Variants in GSDME observed in about 807,000 individuals in gnomAD.
The protein encoded by GSDME is gasdermin E.
Under a neutral mutation model 47.5 loss-of-function variants are expected in GSDME, and 44 were observed. That is an observed-to-expected ratio of 0.93 (90% CI 0.73 to 1.19). The LOEUF (loss-of-function observed/expected upper bound fraction) is 1.19. Among genes scored for constraint, GSDME ranks in the 50% most tolerant of loss-of-function variants. GSDME has a pLI of 0.00. For synonymous variants in GSDME, 258 were observed against 252.8 expected (o/e 1.02, Z -0.20); for missense variants, 663 against 604.2 (o/e 1.10, Z -1.02).
intron 3 of GSDME, among the ~76,000 whole-genome samples, chr7:24,734,982 G>A (rs1790256492): frequency 6.6e-6 from 1 of 152,146 alleles, no homozygotes; most frequent in African/African-American, 2.4e-5. Context: ...ACTGGAAGAA[G>A]ACTATCTCAA....
rs1170215616 is a variant in GSDME at position 24,705,932 on chromosome 7, C to T, written c.1183+252G>A. On this transcript the variant is annotated intron_variant, in intron 8 of 9. Coordinates refer to ENST00000645220, the MANE Select transcript of GSDME (RefSeq NM_001127453.2). This position sits in a 1 kb window ranked among gnomAD's most constrained non-coding sequence, Gnocchi z 4.1. ...GCAAAGGGGCACCCACTGTGGCCTT[C>T]CCTGGGGGAGGAGGGAGAAGGGCCC... The T allele has an allele frequency of 1.2e-5, 7 of 560,818 alleles. No homozygotes were observed. The highest frequency in any genetic ancestry group is 2.2e-5 in the Non-Finnish European group (7 of 311,562). The allele number at this position is 560,818 out of a possible 1,614,324, so 34.7% of individuals were successfully genotyped here.
At chr7:24,777,207 G>A in the GSDME span, among the ~76,000 whole-genome samples, 2 of 152,108 alleles carry the variant, frequency 1.3e-5, no homozygotes, top group African/African-American at 4.8e-5. Flanking sequence ...TCTAAAATGG[G>A]AGAAGTATTT....
chr7:24,735,478 C>T lies in GSDME; in HGVS notation c.404+9084G>A, dbSNP rs561202578. 3.3e-5 allele frequency among the ~76,000 whole-genome samples: 5 copies of T among 152,156 alleles called. No individual in the cohort carries two copies. In the East Asian group the frequency reaches 7.7e-4, roughly 24 times the overall value. On this transcript the variant is annotated intron_variant, in intron 3 of 9. Transcript: ENST00000645220. The surrounding 1 kb of genome is among the most constrained non-coding windows in gnomAD (Gnocchi z 4.4). ...CAATTAAAAATAGTAACTACAGGGCCGGGCACAGTGGCTCACGCCTGTAAT... is the reference window on the plus strand; with the variant it reads ...CAATTAAAAATAGTAACTACAGGGCTGGGCACAGTGGCTCACGCCTGTAAT...
intron 3 of GSDME, among the ~76,000 whole-genome samples, chr7:24,743,064 G>A (rs936665427): frequency 8.5e-5 from 13 of 152,124 alleles, no homozygotes; most frequent in African/African-American, 2.9e-4. Flanking sequence ...GAAAGTGCCC[G>A]TAGGCAGTAA....
At chr7:24,706,866 C>G (rs1269500322) in intron 7 of GSDME, among the ~76,000 whole-genome samples, 1 of 151,874 alleles carries the variant, frequency 6.6e-6, no homozygotes, top group East Asian at 1.9e-4. Context: ...TCTGCACCAC[C>G]CACAGCCTTG....
At position 24,719,199 on chromosome 7, in the gene GSDME, G is replaced by T. The variant is rs754554; in HGVS notation, c.424C>A (p.Pro142Thr). ...CCTTCCAGCACCTGCTGGAGCACAG[G>T]GTTTCTCAGATTTATTGTTCTGAAA... ...SAERTINLRNPVLQQVLEGRN... is the reference protein window; with the variant it reads ...SAERTINLRNTVLQQVLEGRN... Residue 142 changes from proline (P) to threonine (T), a missense_variant, in exon 4 of 10, where the codon CCT becomes ACT. Coordinates refer to ENST00000645220, the MANE Select transcript of GSDME (RefSeq NM_001127453.2). 277,262 of 1,607,152 alleles carry T rather than the reference G, an allele frequency of 0.17. 27,765 individuals are homozygous for T. Among genetic ancestry groups the T allele is most frequent in the East Asian group, 0.44 (19,728 of 44,816 alleles).
rs181220865 is a variant in GSDME at position 24,742,620 on chromosome 7, C to T, written c.404+1942G>A. On this transcript the variant is annotated intron_variant, in intron 3 of 9. Coordinates refer to ENST00000645220, the MANE Select transcript of GSDME (RefSeq NM_001127453.2). This position sits in a 1 kb window ranked among gnomAD's most constrained non-coding sequence, Gnocchi z 4.4. Reference sequence around the variant, plus strand: ...AATCATGGTGTTTAAAAACCTATATCGAGAAATGTGATTATAGGACATTGC... The same window carrying T: ...AATCATGGTGTTTAAAAACCTATATTGAGAAATGTGATTATAGGACATTGC... Among the ~76,000 whole-genome samples, 51 of 152,226 alleles carry T rather than the reference C, an allele frequency of 3.4e-4. No homozygotes were observed. The highest frequency in any genetic ancestry group is 5.6e-4 in the Non-Finnish European group (38 of 68,012).
the GSDME span, among the ~76,000 whole-genome samples, chr7:24,766,338 G>A: frequency 6.6e-6 from 1 of 151,188 alleles, no homozygotes; most frequent in South Asian, 2.1e-4. This position sits in a 1 kb window ranked among gnomAD's most constrained non-coding sequence, Gnocchi z 4.2. Flanking sequence ...AAGTTCTGGG[G>A]TACATGTGCA....
At chr7:24,750,864 CAAGAG>C (rs1366911947) in intron 1 of GSDME, among the ~76,000 whole-genome samples, 1 of 152,098 alleles carries the variant, frequency 6.6e-6, no homozygotes, top group Non-Finnish European at 1.5e-5. Context: ...ATATTACACT[CAAGAG>C]AAGCAGTATA....
Position 24,745,962 on chromosome 7 carries a change from C to T in GSDME, c.212-1208G>A, listed in dbSNP as rs1790654378. ...CCTCACACTTGGCCTTTTCCATTGT[C>T]CTGACCCAAGGCTCTCCTGGGCTCC... On this transcript the variant is annotated intron_variant, in intron 2 of 9. Coordinates refer to ENST00000645220, the MANE Select transcript of GSDME (RefSeq NM_001127453.2). The surrounding 1 kb of genome is among the most constrained non-coding windows in gnomAD (Gnocchi z 4.4). 6.6e-6 allele frequency among the ~76,000 whole-genome samples: 1 copy of T among 152,170 alleles called. No homozygotes were observed. The highest frequency in any genetic ancestry group is 6.5e-5 in the Admixed American group (1 of 15,284).
intron 5 of GSDME, among the ~76,000 whole-genome samples, chr7:24,713,412 C>T (rs748148136): frequency 1.3e-5 from 2 of 152,216 alleles, no homozygotes; most frequent in African/African-American, 2.4e-5. Flanking sequence ...CTGCTTCTGT[C>T]ATCTTTTCAA....
chr7:24,699,382 G>A (rs750259473), intron 9 of GSDME, 123 bp from the exon 10 acceptor site: 19 of 730,926 alleles, frequency 2.6e-5, no homozygotes, highest in Middle Eastern at 3.5e-4. Context: ...TTGCTCTGTC[G>A]TCCAGGCTGG....
At chr7:24,711,520 T>G (rs1019624179) in intron 5 of GSDME, among the ~76,000 whole-genome samples, 4 of 152,078 alleles carry the variant, frequency 2.6e-5, no homozygotes, top group Admixed American at 2.6e-4. Flanking sequence ...CGATAAAAAG[T>G]TTTTTAAATA....
At position 24,739,404 on chromosome 7, in the gene GSDME, T is replaced by A. The variant is rs1297700460; in HGVS notation, c.404+5158A>T. Among the ~76,000 whole-genome samples, 1 of 152,082 alleles carries A rather than the reference T, an allele frequency of 6.6e-6. No homozygotes were observed. ...TCAACATCATTGATCATCAGGGAAA[T>A]GCAAATCAAAACTACAATGAGTTAT... is the stretch of plus-strand genomic sequence containing the variant. On this transcript the variant is annotated intron_variant, in intron 3 of 9. Transcript: ENST00000645220. This position sits in a 1 kb window ranked among gnomAD's most constrained non-coding sequence, Gnocchi z 5.1.
intron 4 of GSDME, among the ~76,000 whole-genome samples, chr7:24,718,158 C>T (rs1034696718): frequency 4.6e-5 from 7 of 152,354 alleles, no homozygotes; most frequent in Non-Finnish European, 5.9e-5. Flanking sequence ...CATCTCCCAT[C>T]GGCGCCTCCC....
In GSDME at chr7:24,724,913, T is replaced by G. The variant is rs1562701516; in HGVS notation, c.405-5695A>C. 1 of 152,234 alleles carries G rather than the reference T, an allele frequency of 6.6e-6. No homozygotes were observed. The highest frequency in any genetic ancestry group is 1.9e-4 in the East Asian group (1 of 5,190). The allele number at this position is 152,234 out of a possible 1,614,324, so 9.4% of individuals were successfully genotyped here. On this transcript the variant is annotated intron_variant, in intron 3 of 9. Coordinates refer to ENST00000645220, the MANE Select transcript of GSDME (RefSeq NM_001127453.2). The surrounding 1 kb of genome is among the most constrained non-coding windows in gnomAD (Gnocchi z 4.8). ...GTTTACACTCTGAGTTCACACTGGT[T>G]AAGAGTGTGGTACCTTCCCCCTCAC... is the stretch of plus-strand genomic sequence containing the variant.
intron 4 of GSDME, among the ~76,000 whole-genome samples, chr7:24,717,764 G>A (rs1789625011): frequency 7.1e-6 from 1 of 140,760 alleles, no homozygotes; most frequent in Non-Finnish European, 1.7e-5. Flanking sequence ...GGAGAACCTA[G>A]CTGAGAGGGC....
At chr7:24,738,221 A>G (rs184904097) in intron 3 of GSDME, among the ~76,000 whole-genome samples, 53 of 152,264 alleles carry the variant, frequency 3.5e-4, no homozygotes, top group African/African-American at 1.2e-3. Context: ...TATATTTGGA[A>G]AAACTTAAAG....
chr7:24,701,874 A>G (rs911819927), intron 9 of GSDME, among the ~76,000 whole-genome samples: 5 of 152,180 alleles, frequency 3.3e-5, no homozygotes, highest in Non-Finnish European at 7.3e-5. Context: ...TGTCTTTGCT[A>G]TGCACAAAGG....
Sources: gnomAD v4.1 joint callset for allele counts (sites outside exome capture counted in the v4.1 genomes callset) on GRCh38, gnomAD v4.1.1 for gene constraint, Gnocchi (gnomAD v3.1) non-coding constraint, MANE v1.5 for transcripts, NCBI Gene and HGNC (gene_info 2026-07-23, HGNC 2026-07-21) for gene names.